Variants in NINL observed in about 807,000 individuals in gnomAD.
NINL encodes the protein ninein-like protein.
NINL carries 153 observed loss-of-function variants against 160.3 expected under a neutral mutation model. That is an observed-to-expected ratio of 0.95 (90% CI 0.84 to 1.09). The LOEUF is 1.09. NINL is among the 50% of genes least tolerant of loss of function. The pLI is 0.00. For missense variants in NINL, 1,829 were observed against 1,764.0 expected (o/e 1.04, Z -0.66); for synonymous variants, 800 against 734.8 (o/e 1.09, Z -1.43).
intron 23 of NINL, among the ~76,000 whole-genome samples, chr20:25,453,976 C>T (rs1042274922): frequency 6.6e-5 from 10 of 152,098 alleles, no homozygotes; most frequent in South Asian, 4.1e-4. Context: ...GGTGTGAACC[C>T]GGGAGGTGGA....
chr20:25,527,146 A>G (rs1477302320), intron 1 of NINL, among the ~76,000 whole-genome samples: 3 of 151,982 alleles, frequency 2.0e-5, no homozygotes, highest in Non-Finnish European at 4.4e-5. Context: ...TTTGACCAGC[A>G]TACAATCTGA....
At chr20:25,525,081 T>A (rs1180187440) in intron 2 of NINL, among the ~76,000 whole-genome samples, 1 of 152,150 alleles carries the variant, frequency 6.6e-6, no homozygotes, top group Non-Finnish European at 1.5e-5. Context: ...TCATTATCTA[T>A]CAATAACACA....
intron 1 of NINL, among the ~76,000 whole-genome samples, chr20:25,540,788 C>T (rs1227255384): frequency 6.6e-6 from 1 of 152,212 alleles, no homozygotes; most frequent in African/African-American, 2.4e-5. Flanking sequence ...AATCAACCTT[C>T]ACACTCCGGC....
At position 25,453,465 on chromosome 20, in the gene NINL, C is replaced by G; in HGVS notation, c.4135G>C (p.Ala1379Pro). The G allele has an allele frequency of 6.2e-7, 1 of 1,610,058 alleles. No individual in the cohort carries two copies. Among genetic ancestry groups the G allele is most frequent in the Non-Finnish European group, 8.5e-7 (1 of 1,178,126 alleles). The change falls in exon 24 of 24, where the codon GCC (alanine) becomes CCC (proline). Residue 1379 changes from alanine (A) to proline (P), a missense_variant. Physicochemically the swap from Ala to Pro is conservative, Grantham distance 27. Coordinates refer to ENST00000278886, the MANE Select transcript of NINL (RefSeq NM_025176.6). Reference sequence around the variant, plus strand: ...ATAATCTGTCTTTACACAGAGAGGGCTGCGGGGGCAATCCTACTGACGAGT... The same window carrying G: ...ATAATCTGTCTTTACACAGAGAGGGGTGCGGGGGCAATCCTACTGACGAGT... ...NKLVSRIAPAALSV is the reference protein window; with the variant it reads ...NKLVSRIAPAPLSV
intron 1 of NINL, among the ~76,000 whole-genome samples, chr20:25,548,598 G>A (rs1176958498): frequency 8.4e-6 from 1 of 118,892 alleles, no homozygotes; most frequent in African/African-American, 3.3e-5. Flanking sequence ...CCCAGCCTCA[G>A]TCAGGCCTGA....
chr20:25,548,981 C>T (rs1644069251), intron 1 of NINL, among the ~76,000 whole-genome samples: 1 of 144,348 alleles, frequency 6.9e-6, no homozygotes, highest in African/African-American at 2.6e-5. Context: ...ACGGCCAAAC[C>T]TCCTACGCCC....
At chr20:25,582,156 G>A (rs1188750004) in intron 1 of NINL, among the ~76,000 whole-genome samples, 1 of 152,206 alleles carries the variant, frequency 6.6e-6, no homozygotes, top group Non-Finnish European at 1.5e-5. Flanking sequence ...TCAGGAGGCT[G>A]AGGCAGGGGA....
chr20:25,469,743 G>GGCACTCTGCCTACA (rs1791432178), intron 18 of NINL, among the ~76,000 whole-genome samples: 1 of 152,168 alleles, frequency 6.6e-6, no homozygotes, highest in South Asian at 2.1e-4. Flanking sequence ...CCATGCTGTG[G>GGCACTCTGCCTACA]GCACTCTGCC....
chr20:25,572,506 C>T lies in NINL; in HGVS notation c.-12+12949G>A, dbSNP rs148092661. 5.9e-3 allele frequency among the ~76,000 whole-genome samples: 892 copies of T among 152,242 alleles called. 3 individuals carry two copies. Among genetic ancestry groups the T allele is most frequent in the Middle Eastern group, 0.02 (6 of 294 alleles). On this transcript the variant is annotated intron_variant, in intron 1 of 23. Coordinates refer to ENST00000278886, the MANE Select transcript of NINL (RefSeq NM_025176.6). ...CATTCCTAGGCACTTTGGAATTTAT[C>T]CTTCTGAAGAAGGCACTATTATTAC...
rs1411150901 is a variant in NINL at position 25,480,169 on chromosome 20, C to T, written c.1909G>A (p.Glu637Lys). The T allele has an allele frequency of 1.2e-6, 2 of 1,613,680 alleles. No individual in the cohort carries two copies. Among genetic ancestry groups the T allele is most frequent in the Non-Finnish European group, 1.7e-6 (2 of 1,179,686 alleles). The change falls in exon 15 of 24, where the codon GAG (glutamate) becomes AAG (lysine). Residue 637 changes from glutamate to lysine, a missense_variant. Coordinates refer to ENST00000278886, the MANE Select transcript of NINL (RefSeq NM_025176.6). The part of the protein sequence containing the change: ...EHYQDLRTQL[E>K]TKVNYYEREI... ...CCCCATAATCCCCTCACCTTGGTCT[C>T]CAGCTGGGTCCTGAGGTCTTGGTAA...
chr20:25,524,946 T>C (rs549907222), intron 2 of NINL, among the ~76,000 whole-genome samples: 1 of 149,156 alleles, frequency 6.7e-6, no homozygotes, highest in East Asian at 1.9e-4. Flanking sequence ...TATATATATA[T>C]AAATAAATAA....
intron 1 of NINL, among the ~76,000 whole-genome samples, chr20:25,533,499 A>C (rs2064503101): frequency 1.3e-5 from 2 of 152,218 alleles, no homozygotes; most frequent in Non-Finnish European, 2.9e-5. Context: ...TCTAAACAAT[A>C]AAGATAAAAA....
chr20:25,476,568 C>T lies in NINL; in HGVS notation c.2723G>A (p.Arg908His), dbSNP rs1309378093. 5.6e-6 allele frequency: 9 copies of T among 1,599,416 alleles called. No homozygotes were observed. Among genetic ancestry groups the T allele is most frequent in the Admixed American group, 1.7e-5 (1 of 59,962 alleles). Reference sequence around the variant, plus strand: ...CCCATCCACTCCACAGGGCTGCATGCGTGACCACCTCTCTGAGGGGCCGTG... The same window carrying T: ...CCCATCCACTCCACAGGGCTGCATGTGTGACCACCTCTCTGAGGGGCCGTG... The part of the protein sequence containing the change: ...ASHGPSERWS[R>H]MQPCGVDGDI... Residue 908 changes from arginine to histidine, a missense_variant, in exon 17 of 24, where the codon CGC becomes CAC. By Grantham distance (29) the Arg-to-His change is conservative (BLOSUM62 0). Transcript: ENST00000278886.
At chr20:25,511,993 C>A (rs1386174322) in intron 4 of NINL, among the ~76,000 whole-genome samples, 2 of 152,158 alleles carry the variant, frequency 1.3e-5, no homozygotes, top group Non-Finnish European at 2.9e-5. Context: ...ATGGTTCGAC[C>A]CAATCCATGA....
At chr20:25,567,117 T>A (rs1181600232) in intron 1 of NINL, among the ~76,000 whole-genome samples, 1 of 152,110 alleles carries the variant, frequency 6.6e-6, no homozygotes, top group Admixed American at 6.6e-5. Flanking sequence ...AAAAAAAAAT[T>A]TTCTTTTAAA....
At chr20:25,550,386 G>A (rs2064792254) in intron 1 of NINL, among the ~76,000 whole-genome samples, 1 of 152,244 alleles carries the variant, frequency 6.6e-6, no homozygotes, top group Admixed American at 6.5e-5. Context: ...TTTCTCACAA[G>A]GTGGAGACAA....
At chr20:25,482,153 G>T (rs1235949801) in intron 13 of NINL, 53 bp from the exon 14 acceptor site, 5 of 1,564,504 alleles carry the variant, frequency 3.2e-6, no homozygotes, top group Non-Finnish European at 4.3e-6. Context: ...ATTCAGCCCA[G>T]CGAGCTGGCC....
intron 1 of NINL, among the ~76,000 whole-genome samples, chr20:25,533,456 A>G (rs2064502363): frequency 6.6e-6 from 1 of 152,244 alleles, no homozygotes; most frequent in Non-Finnish European, 1.5e-5. Flanking sequence ...CAACAGCAGA[A>G]TCGGAAGACA....
At chr20:25,500,136 C>T (rs954448424) in intron 8 of NINL, among the ~76,000 whole-genome samples, 2 of 152,144 alleles carry the variant, frequency 1.3e-5, no homozygotes, top group African/African-American at 4.8e-5. Context: ...CACTGCACCT[C>T]GTGAGGCTGT....
Sources: gnomAD v4.1 joint callset for allele counts (sites outside exome capture counted in the v4.1 genomes callset) on GRCh38, gnomAD v4.1.1 for gene constraint, MANE v1.5 for transcripts, NCBI Gene and HGNC (gene_info 2026-07-23, HGNC 2026-07-21) for gene names.